Variants in SYNE1 observed in about 807,000 individuals in gnomAD.
The protein encoded by SYNE1 is nesprin-1.
SYNE1 carries 616 observed loss-of-function variants against 1,111.0 expected under a neutral mutation model. The observed-to-expected ratio is 0.55, with a 90% confidence interval of 0.52 to 0.59. SYNE1 has a LOEUF of 0.59. SYNE1 is among the 20% of genes least tolerant of loss of function. The pLI, the probability that SYNE1 is intolerant of heterozygous loss-of-function variation, is 0.00. For synonymous variants in SYNE1, 3,855 were observed against 3,825.8 expected, an observed-to-expected ratio of 1.01 and a Z score of -0.28; for missense variants, 10,006 against 10,417.0, an observed-to-expected ratio of 0.96 and a Z score of 1.72.
chr6:152,395,696 G>A (rs2097720985), intron 50 of SYNE1, 25 bp from the exon 51 acceptor site: 2 of 1,613,126 alleles, frequency 1.2e-6, no homozygotes, highest in South Asian at 2.2e-5. Flanking sequence ...ATGCCTTAGA[G>A]AAATTCTTAC....
chr6:152,596,262 G>GA (rs201239216), intron 3 of SYNE1, among the ~76,000 whole-genome samples: 2,310 of 113,626 alleles, frequency 0.02, 67 homozygotes, highest in African/African-American at 0.075. Flanking sequence ...ACAGTTTTTT[G>GA]TTTGTTTGTT....
intron 2 of SYNE1, among the ~76,000 whole-genome samples, chr6:152,629,894 C>T (rs2099695007): frequency 6.6e-6 from 1 of 151,942 alleles, no homozygotes; most frequent in Non-Finnish European, 1.5e-5. Flanking sequence ...TGAGATGGTG[C>T]ACCTTCCTGA....
intron 138 of SYNE1, 82 bp from the exon 139 acceptor site, chr6:152,141,411 T>C: frequency 4.4e-6 from 7 of 1,583,766 alleles, no homozygotes; most frequent in Non-Finnish European, 6.0e-6. Flanking sequence ...CTTTGTAATT[T>C]CTCAGCAAGA....
At chr6:152,358,618 T>C in intron 65 of SYNE1, 81 bp from the exon 66 acceptor site, 3 of 1,426,600 alleles carry the variant, frequency 2.1e-6, no homozygotes, top group Non-Finnish European at 9.8e-7. Flanking sequence ...ACTTTTGTAA[T>C]TTTAGAAAAG....
chr6:152,227,766 T>G (rs771430573), intron 115 of SYNE1, among the ~76,000 whole-genome samples: 13 of 152,170 alleles, frequency 8.5e-5, no homozygotes, highest in Non-Finnish European at 1.3e-4. Flanking sequence ...GTTCCATTGC[T>G]TAGAAACTAT....
chr6:152,498,661 A>T, intron 11 of SYNE1, 81 bp downstream of exon 11: 1 of 972,688 alleles, frequency 1.0e-6, no homozygotes, highest in Non-Finnish European at 1.5e-6. Flanking sequence ...AAAGACAAAA[A>T]CATGCAAGGG....
Position 152,430,582 on chromosome 6 carries a change from C to G in SYNE1, c.4589G>C (p.Arg1530Thr). The G allele has an allele frequency of 6.2e-7, 1 of 1,614,130 alleles. No homozygotes were observed. Among genetic ancestry groups the G allele is most frequent in the Non-Finnish European group, 8.5e-7 (1 of 1,180,002 alleles). ...CTCTCGAAGCTCTTCCCCGTATCTTCTTATTTGTGTCAACTTGGCTTTAAT... is the reference window on the plus strand; with the variant it reads ...CTCTCGAAGCTCTTCCCCGTATCTTGTTATTTGTGTCAACTTGGCTTTAAT... ...ARIKAKLTQI[R>T]RYGEELREHA... Residue 1530 changes from arginine to threonine, a missense_variant, in exon 35 of 146, where the codon AGA (arginine) becomes ACA (threonine). Transcript: ENST00000367255.
At chr6:152,417,443 A>G (rs1435128795) in intron 40 of SYNE1, among the ~76,000 whole-genome samples, 1 of 152,154 alleles carries the variant, frequency 6.6e-6, no homozygotes, top group Non-Finnish European at 1.5e-5. Flanking sequence ...GCTTGCAGTG[A>G]GCCAAGATTG....
chr6:152,423,147 T>C (rs1041506476), intron 39 of SYNE1, among the ~76,000 whole-genome samples: 1 of 152,228 alleles, frequency 6.6e-6, no homozygotes, highest in African/African-American at 2.4e-5. Context: ...TGAGGTTTCA[T>C]CTACATAACA....
At chr6:152,528,788 G>C (rs560658093) in intron 4 of SYNE1, among the ~76,000 whole-genome samples, 5 of 152,138 alleles carry the variant, frequency 3.3e-5, no homozygotes. Context: ...AGTTAATAAA[G>C]TTAGTGTTTC....
rs377056257 is a variant in SYNE1 at position 152,154,884 on chromosome 6, T to C, written c.24129+8A>G. 30 of 1,613,938 alleles carry C rather than the reference T, an allele frequency of 1.9e-5. No homozygotes were observed. The African/African-American group carries it at 2.5e-4, about 14-fold the overall frequency. On this transcript the variant is annotated splice_region_variant and intron_variant, in intron 133 of 145. Coordinates refer to ENST00000367255, the MANE Select transcript of SYNE1 (RefSeq NM_182961.4). ...AATAAGGATTAAAAATTTGGAATTA[T>C]AGATTACCTCAAATTTCTTTAGTTC... is the stretch of plus-strand genomic sequence containing the variant.
At position 152,254,756 on chromosome 6, in the gene SYNE1, A is replaced by G. The variant is rs141269108; in HGVS notation, c.19470+124T>C. The G allele has an allele frequency of 1.6e-4, 150 of 926,832 alleles. No homozygotes were observed. The East Asian group carries it at 3.4e-3, about 21-fold the overall frequency. 57.4% of individuals were successfully genotyped at this position (926,832 alleles called of 1,614,324 possible). ...TAATTCAACCCCCTTCATTTTCTAC[A>G]ATGCTCTTGTTCTTCATTACGCATT... On this transcript the variant is annotated intron_variant, in intron 104 of 145. Coordinates refer to ENST00000367255, the MANE Select transcript of SYNE1 (RefSeq NM_182961.4).
In SYNE1 at chr6:152,211,503, A is replaced by G. The variant is rs1377398407; in HGVS notation, c.22580T>C (p.Val7527Ala). Reference protein sequence around the residue: ...DGQRLLEQGQVDDRDEFNLKL... With the variant: ...DGQRLLEQGQADDRDEFNLKL... ...TTATCAAAGATCCTACCTGTCATCA[A>G]CTTGACCTTGTTCTAGAAGACGTTG... The change falls in exon 124 of 146, where the codon GTT becomes GCT. Residue 7527 changes from valine (V) to alanine (A), a missense_variant. This residue lies in a region of SYNE1 where 2,182 missense variants were observed against 2,287.8 expected (regional missense o/e 0.95). Coordinates refer to ENST00000367255, the MANE Select transcript of SYNE1 (RefSeq NM_182961.4). 3 of 1,613,354 alleles carry G rather than the reference A, an allele frequency of 1.9e-6. No homozygotes were observed. The Admixed American group carries it at 5.0e-5, about 27-fold the overall frequency.
chr6:152,347,233 T>C lies in SYNE1; in HGVS notation c.11904A>G (p.Ala3968=), dbSNP rs778599850. 6.2e-7 allele frequency: 1 copy of C among 1,614,104 alleles called. No individual in the cohort carries two copies. The highest frequency in any genetic ancestry group is 8.5e-7 in the Non-Finnish European group (1 of 1,180,048). The change falls in exon 73 of 146, where the codon GCA becomes GCG. Residue 3968 remains alanine (A), a splice_region_variant and synonymous_variant. Coordinates refer to ENST00000367255, the MANE Select transcript of SYNE1 (RefSeq NM_182961.4). ...CAAAACCAGCAATTTCTTCCATCAT[T>C]GCCTGCAAAAGTGAAACCAATACAG... ...TITQQLAHHK[A]MMEEIAGFED...
intron 3 of SYNE1, among the ~76,000 whole-genome samples, chr6:152,568,180 T>G (rs556549571): frequency 1.4e-4 from 21 of 151,912 alleles, no homozygotes; most frequent in Middle Eastern, 3.4e-3. Flanking sequence ...TAGGTTTCAT[T>G]GCATAAAAAT....
chr6:152,246,841 G>A (rs1413721114), intron 105 of SYNE1, among the ~76,000 whole-genome samples: 4 of 152,088 alleles, frequency 2.6e-5, no homozygotes, highest in African/African-American at 9.7e-5. Flanking sequence ...CTGAGAGCTA[G>A]AAAACAATGA....
chr6:152,308,746 A>G, intron 90 of SYNE1, 114 bp from the exon 91 acceptor site: 3 of 1,148,654 alleles, frequency 2.6e-6, no homozygotes, highest in Non-Finnish European at 3.6e-6. Flanking sequence ...GAATAAAGAA[A>G]TGATGGGTAA....
Position 152,444,834 on chromosome 6 carries a change from GTCAC to G in SYNE1, c.3670-260_3670-257del. ...TATACAATAGGTAATATTAACTGCA[GTCAC>G]CACCAGAACTTTTTCATCTTAGAAC... On this transcript the variant is annotated intron_variant, in intron 29 of 145. Coordinates refer to ENST00000367255, the MANE Select transcript of SYNE1 (RefSeq NM_182961.4). Among the ~76,000 whole-genome samples the G allele has an allele frequency of 1.3e-5, 2 of 152,126 alleles. 1 individual carries two copies. Among genetic ancestry groups the G allele is most frequent in the South Asian group, 4.1e-4 (2 of 4,828 alleles).
Position 152,242,345 on chromosome 6 carries a change from T to A in SYNE1, c.19788A>T (p.Gln6596His), listed in dbSNP as rs1372153331. Residue 6596 changes from glutamine (Q) to histidine (H), a missense_variant, in exon 107 of 146, where the codon CAA becomes CAT. Physicochemically the swap from Gln to His is conservative, Grantham distance 24. This residue lies in a region of SYNE1 where 2,182 missense variants were observed against 2,287.8 expected (regional missense o/e 0.95). Coordinates refer to ENST00000367255, the MANE Select transcript of SYNE1 (RefSeq NM_182961.4). ...TLKSQYERAL[Q>H]DLADLLETGQ... is the part of the protein sequence containing the mutation. ...CAGTTTCTAGCAGGTCAGCCAGATC[T>A]TGTAGGGCCCTCTCATACTGACTCT... The A allele has an allele frequency of 6.2e-7, 1 of 1,614,116 alleles. No homozygotes were observed.
Sources: allele counts gnomAD v4.1 joint callset (sites outside exome capture counted in the v4.1 genomes callset), GRCh38; gene constraint gnomAD v4.1.1; regional missense constraint gnomAD v4.1.1; transcripts MANE v1.5; gene names NCBI Gene and HGNC (gene_info 2026-07-23, HGNC 2026-07-21).